The following RPS6KB1 variants were observed in gnomAD, a reference collection of about 807,000 sequenced individuals.
The protein encoded by RPS6KB1 is ribosomal protein S6 kinase B1, also known as ribosomal protein S6 kinase beta-1.
Under a neutral mutation model 70.2 loss-of-function variants are expected in RPS6KB1, and 12 were observed. The ratio of observed to expected loss-of-function variants is 0.17; its 90% CI spans 0.11 to 0.28. RPS6KB1 has a LOEUF of 0.28. Ranked by LOEUF, RPS6KB1 falls within the 10% of genes least tolerant of loss-of-function variation. The probability of loss-of-function intolerance (pLI) is 1.00; values close to 1 mark genes in which losing one functional copy is unlikely to be tolerated. For missense variants in RPS6KB1, 270 were observed against 646.6 expected, an observed-to-expected ratio of 0.42 and a Z score of 6.32; for synonymous variants, 175 against 211.2, an observed-to-expected ratio of 0.83 and a Z score of 1.49.
chr17:59,925,618 G>A (rs1229968983), intron 4 of RPS6KB1, among the ~76,000 whole-genome samples: 1 of 151,544 alleles, frequency 6.6e-6, no homozygotes, highest in Admixed American at 6.6e-5. Context: ...TAAAGCCAAA[G>A]GTGTGTTCAT....
At position 59,893,408 on chromosome 17, in the gene RPS6KB1, C is replaced by A; in HGVS notation, c.141+83C>A. On this transcript the variant is annotated intron_variant, in intron 1 of 14. Transcript: ENST00000225577. This position sits in a 1 kb window ranked among gnomAD's most constrained non-coding sequence, Gnocchi z 4.1. ...TCAGGAAGCGCGGTGTGTCCTAGAGCGTGGAGACCCAGGGGGGCTCCTGAG... is the reference window on the plus strand; with the variant it reads ...TCAGGAAGCGCGGTGTGTCCTAGAGAGTGGAGACCCAGGGGGGCTCCTGAG... The A allele has an allele frequency of 7.2e-7, 1 of 1,398,362 alleles. No individual in the cohort carries two copies. The highest frequency in any genetic ancestry group is 1.3e-5 in the South Asian group (1 of 78,856). 86.6% of individuals were successfully genotyped at this position (1,398,362 alleles called of 1,614,324 possible). A position where few individuals can be genotyped will look rare whatever the true frequency, so the allele number is the denominator to read the frequency against.
chr17:59,922,792 C>T (rs1430810536), intron 4 of RPS6KB1, among the ~76,000 whole-genome samples: 3 of 151,674 alleles, frequency 2.0e-5, no homozygotes, highest in African/African-American at 7.3e-5. Context: ...GATCTAGCCA[C>T]CTTGGCCTCC....
chr17:59,900,228 A>ACCCC (rs1439942437), intron 1 of RPS6KB1, among the ~76,000 whole-genome samples: 1 of 140,030 alleles, frequency 7.1e-6, no homozygotes, highest in African/African-American at 2.7e-5. Context: ...ACACACACAC[A>ACCCC]CACCCCTATG....
At chr17:59,901,106 A>C (rs2041909195) in intron 1 of RPS6KB1, among the ~76,000 whole-genome samples, 1 of 151,428 alleles carries the variant, frequency 6.6e-6, no homozygotes, top group Non-Finnish European at 1.5e-5. Context: ...GTTTCCCATG[A>C]GCCGAGATTG....
At position 59,893,130 on chromosome 17, in the gene RPS6KB1, C is replaced by G. The variant is rs1414408996; in HGVS notation, c.-55C>G. The G allele has an allele frequency of 4.4e-6, 7 of 1,586,534 alleles. No homozygotes were observed. The highest frequency in any genetic ancestry group is 6.0e-6 in the Non-Finnish European group (7 of 1,167,148). On this transcript the variant is annotated 5_prime_UTR_variant, in exon 1 of 15. Coordinates refer to ENST00000225577, the MANE Select transcript of RPS6KB1 (RefSeq NM_003161.4). The surrounding 1 kb of genome is among the most constrained non-coding windows in gnomAD (Gnocchi z 4.1). ...AGGCCTAGGCGCAGACGCACTGAGC[C>G]TAAGCAGCCGGTGATGGCGGCAGCG...
rs1320301030 is a variant in RPS6KB1 at position 59,912,732 on chromosome 17, C to T, written c.240C>T (p.Asn80=). 6.2e-7 allele frequency: 1 copy of T among 1,613,802 alleles called. No individual in the cohort carries two copies. The highest frequency in any genetic ancestry group is 8.5e-7 in the Non-Finnish European group (1 of 1,179,898). The change falls in exon 3 of 15, where the codon AAC becomes AAT. Residue 80 remains asparagine (N), a synonymous_variant. Coordinates refer to ENST00000225577, the MANE Select transcript of RPS6KB1 (RefSeq NM_003161.4). The part of the protein sequence containing the change: ...EKFEISETSV[N]RGPEKIRPEC... ...TTGAAATCTCAGAAACTAGTGTGAA[C>T]AGAGGGCCAGAAAAAATCAGACCAG...
At chr17:59,915,146 G>A (rs1368380639) in intron 4 of RPS6KB1, among the ~76,000 whole-genome samples, 2 of 151,728 alleles carry the variant, frequency 1.3e-5, no homozygotes, top group Non-Finnish European at 2.9e-5. Context: ...ATGCTGCCAC[G>A]CCCAGCTACT....
At chr17:59,925,883 C>A (rs773652909) in intron 4 of RPS6KB1, among the ~76,000 whole-genome samples, 1 of 152,026 alleles carries the variant, frequency 6.6e-6, no homozygotes, top group South Asian at 2.1e-4. Flanking sequence ...TGGGCTCAAG[C>A]GATCCTCCTG....
chr17:59,928,388 C>CTT (rs34381780), intron 5 of RPS6KB1, among the ~76,000 whole-genome samples: 36 of 148,232 alleles, frequency 2.4e-4, no homozygotes, highest in African/African-American at 6.2e-4. Context: ...CTTTTCTTTT[C>CTT]TTTTTTTTTT....
In RPS6KB1 at chr17:59,918,242, A is replaced by T. The variant is rs1388437046; in HGVS notation, c.381+3539A>T. On this transcript the variant is annotated intron_variant, in intron 4 of 14. Coordinates refer to ENST00000225577, the MANE Select transcript of RPS6KB1 (RefSeq NM_003161.4). ...CCACTGTGCCCAGCCATTTGACTAAATTTTTTTTTAAAGCTGTTGTATTTG... is the reference window on the plus strand; with the variant it reads ...CCACTGTGCCCAGCCATTTGACTAATTTTTTTTTTAAAGCTGTTGTATTTG... Among the ~76,000 whole-genome samples the T allele has an allele frequency of 2.0e-5, 3 of 150,994 alleles. No individual in the cohort carries two copies. In the East Asian group the frequency reaches 5.9e-4, roughly 30 times the overall value.
chr17:59,893,638 C>T lies in RPS6KB1; in HGVS notation c.141+313C>T, dbSNP rs982660515. ...CTTGAGTGTGGCGGGGAGCGGGTGG[C>T]GTGAGCGTGTGTTGGGGAGACGGGG... On this transcript the variant is annotated intron_variant, in intron 1 of 14. Coordinates refer to ENST00000225577, the MANE Select transcript of RPS6KB1 (RefSeq NM_003161.4). This position sits in a 1 kb window ranked among gnomAD's most constrained non-coding sequence, Gnocchi z 4.1. Among the ~76,000 whole-genome samples the T allele has an allele frequency of 6.6e-6, 1 of 152,096 alleles. No homozygotes were observed. Among genetic ancestry groups the T allele is most frequent in the African/African-American group, 2.4e-5 (1 of 41,418 alleles).
chr17:59,893,354 G>A lies in RPS6KB1; in HGVS notation c.141+29G>A. ...AGGCCCGGGGTCCCCGGGGGCCCGA[G>A]GTGACAGGGCCGGGGCGGCGGCGCG... On this transcript the variant is annotated intron_variant, in intron 1 of 14. Transcript: ENST00000225577. The surrounding 1 kb of genome is among the most constrained non-coding windows in gnomAD (Gnocchi z 4.1). 1 of 1,579,454 alleles carries A rather than the reference G, an allele frequency of 6.3e-7. No individual in the cohort carries two copies. The highest frequency in any genetic ancestry group is 8.6e-7 in the Non-Finnish European group (1 of 1,162,670).
chr17:59,943,266 AT>A (rs1456780042), intron 13 of RPS6KB1, among the ~76,000 whole-genome samples: 2 of 152,146 alleles, frequency 1.3e-5, no homozygotes, highest in Admixed American at 1.3e-4. Flanking sequence ...AATCACTTTA[AT>A]TTTGGCATTT....
intron 1 of RPS6KB1, among the ~76,000 whole-genome samples, chr17:59,895,386 A>G (rs1210403782): frequency 4.4e-5 from 6 of 136,576 alleles, no homozygotes; most frequent in South Asian, 2.3e-4. Flanking sequence ...CAGTGGTGCG[A>G]TCTCGGCTCA....
At position 59,893,175 on chromosome 17, in the gene RPS6KB1, G is replaced by C; in HGVS notation, c.-10G>C. 1.3e-6 allele frequency: 2 copies of C among 1,571,500 alleles called. No homozygotes were observed. Among genetic ancestry groups the C allele is most frequent in the Non-Finnish European group, 1.7e-6 (2 of 1,158,592 alleles). ...GCAGCGGCTGTGGTGGCTGCGGCGG[G>C]TCCGGGCCCATGAGGCGACGAAGGA... On this transcript the variant is annotated 5_prime_UTR_variant, in exon 1 of 15. Coordinates refer to ENST00000225577, the MANE Select transcript of RPS6KB1 (RefSeq NM_003161.4). The surrounding 1 kb of genome is among the most constrained non-coding windows in gnomAD (Gnocchi z 4.1).
At chr17:59,896,774 G>C (rs1404401532) in intron 1 of RPS6KB1, among the ~76,000 whole-genome samples, 1 of 152,118 alleles carries the variant, frequency 6.6e-6, no homozygotes, top group Non-Finnish European at 1.5e-5. Context: ...ATATGTCTTA[G>C]CAACACTTTT....
Position 59,948,635 on chromosome 17 carries a change from A to C in RPS6KB1, c.*1847A>C, listed in dbSNP as rs969163283. 36 of 151,944 alleles carry C rather than the reference A, an allele frequency of 2.4e-4. No individual in the cohort carries two copies. The highest frequency in any genetic ancestry group is 8.0e-4 in the African/African-American group (33 of 41,310). The allele number at this position is 151,944 out of a possible 1,614,324, so 9.4% of individuals were successfully genotyped here. A position where few individuals can be genotyped will look rare whatever the true frequency, so the allele number is the denominator to read the frequency against. Reference sequence around the variant, plus strand: ...GGCAATAATTGAAAGAATCGATAAAAGTTCATCTTTGGACAGAAAGCCTTT... The same window carrying C: ...GGCAATAATTGAAAGAATCGATAAACGTTCATCTTTGGACAGAAAGCCTTT... On this transcript the variant is annotated 3_prime_UTR_variant, in exon 15 of 15. Transcript: ENST00000225577.
Position 59,901,643 on chromosome 17 carries a change from A to G in RPS6KB1, c.141+8318A>G, listed in dbSNP as rs80070454. Among the ~76,000 whole-genome samples the G allele has an allele frequency of 4.0e-3, 599 of 150,068 alleles. 3 individuals carry two copies. Among genetic ancestry groups the G allele is most frequent in the African/African-American group, 0.014 (563 of 40,576 alleles). On this transcript the variant is annotated intron_variant, in intron 1 of 14. Transcript: ENST00000225577. Reference sequence around the variant, plus strand: ...TGTCTCTGAAAAAAAAAAAAAAAAAAAAAGAAAAAAAAAGAAACAGAGTTT... The same window carrying G: ...TGTCTCTGAAAAAAAAAAAAAAAAAGAAAGAAAAAAAAAGAAACAGAGTTT...
rs533044604 is a variant in RPS6KB1, at chr17:59,946,982, A to G, written c.*194A>G. 11 of 1,417,100 alleles carry G rather than the reference A, an allele frequency of 7.8e-6. No homozygotes were observed. Among genetic ancestry groups the G allele is most frequent in the Admixed American group, 2.9e-5 (1 of 34,822 alleles). The allele number at this position is 1,417,100 out of a possible 1,614,324, so 87.8% of individuals were successfully genotyped here. On this transcript the variant is annotated 3_prime_UTR_variant, in exon 15 of 15. Coordinates refer to ENST00000225577, the MANE Select transcript of RPS6KB1 (RefSeq NM_003161.4). This position sits in a 1 kb window ranked among gnomAD's most constrained non-coding sequence, Gnocchi z 4.2. Reference sequence around the variant, plus strand: ...GGTGCAAAAAAAAACTTAAAGCAAAATAGTATTGCTGAACTCTTAGGCACA... The same window carrying G: ...GGTGCAAAAAAAAACTTAAAGCAAAGTAGTATTGCTGAACTCTTAGGCACA...
Sources: gnomAD v4.1 joint callset for allele counts (sites outside exome capture counted in the v4.1 genomes callset) on GRCh38, gnomAD v4.1.1 for gene constraint, Gnocchi (gnomAD v3.1) non-coding constraint, MANE v1.5 for transcripts, NCBI Gene and HGNC (gene_info 2026-07-23, HGNC 2026-07-21) for gene names.